The following WDR43 variants were observed in gnomAD, a reference collection of about 807,000 sequenced individuals.
WDR43 encodes WD repeat domain 43, also known as WD repeat-containing protein 43.
Under a neutral mutation model 91.4 loss-of-function variants are expected in WDR43, and 13 were observed. The ratio of observed to expected loss-of-function variants is 0.14; its 90% CI spans 0.09 to 0.23. The LOEUF is 0.23. Among genes scored for constraint, WDR43 ranks in the 10% least tolerant of loss-of-function variants. The pLI is 1.00. For missense variants in WDR43, 780 were observed against 809.4 expected (o/e 0.96, Z 0.44); for synonymous variants, 331 against 287.9 (o/e 1.15, Z -1.51).
At chr2:28,922,183 A>C (rs1180494564) in intron 6 of WDR43, among the ~76,000 whole-genome samples, 1 of 152,166 alleles carries the variant, frequency 6.6e-6, no homozygotes, top group Non-Finnish European at 1.5e-5. Flanking sequence ...TTTTTAATTG[A>C]TATATTACAG....
rs561887734 is a variant in WDR43 at position 28,899,695 on chromosome 2, G to A, written c.226-2292G>A. On this transcript the variant is annotated intron_variant, in intron 1 of 17. Transcript: ENST00000407426. Reference sequence around the variant, plus strand: ...TATAATCAGTAGCACTAAACTCTTGGTTTGAAAAATATTTAGTATGGGTAA... The same window carrying A: ...TATAATCAGTAGCACTAAACTCTTGATTTGAAAAATATTTAGTATGGGTAA... Among the ~76,000 whole-genome samples the A allele has an allele frequency of 5.3e-5, 8 of 152,252 alleles. No homozygotes were observed. The South Asian group carries it at 1.7e-3, about 32-fold the overall frequency.
intron 2 of WDR43, chr2:28,905,101 G>A (rs1670653148): frequency 6.6e-6 from 1 of 152,170 alleles, no homozygotes; most frequent in African/African-American, 2.4e-5. Flanking sequence ...GGTGGGGAGA[G>A]GAAGTTGGGG....
chr2:28,935,694 G>GT, intron 12 of WDR43, 87 bp downstream of exon 12: 2 of 754,310 alleles, frequency 2.7e-6, no homozygotes, highest in South Asian at 2.4e-5. Flanking sequence ...TTTGTAATAC[G>GT]TAAGGACACA....
chr2:28,917,419 A>AT (rs1472073033), intron 5 of WDR43, among the ~76,000 whole-genome samples: 1 of 152,230 alleles, frequency 6.6e-6, no homozygotes, highest in African/African-American at 2.4e-5. Flanking sequence ...TGACCTACAG[A>AT]TTCAACGCAG....
intron 7 of WDR43, 144 bp downstream of exon 7, chr2:28,923,127 A>G (rs1243471020): frequency 4.5e-6 from 3 of 673,206 alleles, no homozygotes; most frequent in African/African-American, 1.8e-5. Context: ...ACATGACTAT[A>G]TACATTGCCA....
intron 6 of WDR43, among the ~76,000 whole-genome samples, chr2:28,918,737 G>A (rs1459350187): frequency 6.6e-6 from 1 of 152,128 alleles, no homozygotes; most frequent in Admixed American, 6.5e-5. Context: ...AATTTTTCAT[G>A]TAAAAATTAG....
chr2:28,925,796 T>TA (rs888042083), intron 8 of WDR43, among the ~76,000 whole-genome samples: 2 of 152,106 alleles, frequency 1.3e-5, no homozygotes, highest in Non-Finnish European at 2.9e-5. Context: ...ATGGTTTAAT[T>TA]AAAAAAATAA....
rs375646887 is a variant in WDR43 at position 28,935,503 on chromosome 2, C to T, written c.1438-18C>T. Reference sequence around the variant, plus strand: ...TTGTCAGTATGCTCATCTTAATAATCCTTTTATTTTCTCACAGAAAGTACT... The same window carrying T: ...TTGTCAGTATGCTCATCTTAATAATTCTTTTATTTTCTCACAGAAAGTACT... On this transcript the variant is annotated intron_variant, in intron 11 of 17. Transcript: ENST00000407426. 2 of 1,534,144 alleles carry T rather than the reference C, an allele frequency of 1.3e-6. No individual in the cohort carries two copies.
rs1458040564 is a variant in WDR43 at position 28,908,931 on chromosome 2, A to T, written c.485+2350A>T. ...TGAGCCTTAGACTTTCCTATGTTTA[A>T]TATTTTTTTTTGTACAAAATTTTGC... On this transcript the variant is annotated intron_variant, in intron 3 of 17. Transcript: ENST00000407426. Among the ~76,000 whole-genome samples, 4 of 152,112 alleles carry T rather than the reference A, an allele frequency of 2.6e-5. No individual in the cohort carries two copies. In the South Asian group the frequency reaches 6.2e-4, roughly 24 times the overall value.
chr2:28,942,531 G>A (rs1202777344), intron 16 of WDR43, 150 bp downstream of exon 16: 1 of 747,856 alleles, frequency 1.3e-6, no homozygotes, highest in South Asian at 1.9e-5. Flanking sequence ...GCAAAAATCT[G>A]TAATTCATCA....
At chr2:28,919,987 G>A (rs1670989909) in intron 6 of WDR43, among the ~76,000 whole-genome samples, 2 of 151,768 alleles carry the variant, frequency 1.3e-5, no homozygotes, top group South Asian at 4.1e-4. Context: ...ATTATAGACT[G>A]CGCTACCATG....
chr2:28,897,677 C>T lies in WDR43; in HGVS notation c.225+2754C>T, dbSNP rs140124602. Among the ~76,000 whole-genome samples the T allele has an allele frequency of 1.1e-4, 17 of 152,286 alleles. No individual in the cohort carries two copies. The East Asian group carries it at 2.5e-3, about 22-fold the overall frequency. Reference sequence around the variant, plus strand: ...TGGTTTAGTAATTGGCAGTTTGCTACGCAAGGACAAAGTGTGGTGATGATA... The same window carrying T: ...TGGTTTAGTAATTGGCAGTTTGCTATGCAAGGACAAAGTGTGGTGATGATA... On this transcript the variant is annotated intron_variant, in intron 1 of 17. Coordinates refer to ENST00000407426, the MANE Select transcript of WDR43 (RefSeq NM_015131.3).
chr2:28,927,437 A>T, intron 9 of WDR43, 132 bp from the exon 10 acceptor site: 1 of 1,081,510 alleles, frequency 9.2e-7, no homozygotes, highest in Non-Finnish European at 1.3e-6. Flanking sequence ...AATATATCTT[A>T]AATTGATATC....
intron 13 of WDR43, among the ~76,000 whole-genome samples, chr2:28,937,495 AC>A (rs1443493126): frequency 6.6e-6 from 1 of 152,080 alleles, no homozygotes; most frequent in Non-Finnish European, 1.5e-5. Flanking sequence ...ATTAATTATG[AC>A]TTTTTTGCAC....
At position 28,935,242 on chromosome 2, in the gene WDR43, G is replaced by T. The variant is rs1232426080; in HGVS notation, c.1438-279G>T. On this transcript the variant is annotated intron_variant, in intron 11 of 17. Transcript: ENST00000407426. ...AAGTGGCATATGTCTGTATTCAAAC[G>T]TCTAGAGATGTTTTAATAAAACACA... Among the ~76,000 whole-genome samples, 3 of 152,058 alleles carry T rather than the reference G, an allele frequency of 2.0e-5. No individual in the cohort carries two copies. Among genetic ancestry groups the T allele is most frequent in the Non-Finnish European group, 4.4e-5 (3 of 68,012 alleles).
At chr2:28,929,494 T>C (rs1381009665) in intron 10 of WDR43, 85 bp from the exon 11 acceptor site, 1 of 1,192,138 alleles carries the variant, frequency 8.4e-7, no homozygotes, top group African/African-American at 1.6e-5. Context: ...AAATCTATTT[T>C]ATTTTATTTT....
chr2:28,935,921 T>A (rs1405466473), intron 12 of WDR43, among the ~76,000 whole-genome samples: 1 of 152,220 alleles, frequency 6.6e-6, no homozygotes, highest in Admixed American at 6.5e-5. Flanking sequence ...ATGGGAATAA[T>A]TGTTGTAAAC....
intron 3 of WDR43, among the ~76,000 whole-genome samples, chr2:28,911,487 G>A (rs890961006): frequency 2.6e-5 from 4 of 151,650 alleles, no homozygotes; most frequent in African/African-American, 7.3e-5. Flanking sequence ...GTAGAGACAG[G>A]GTTTCACCAT....
In WDR43 at chr2:28,895,049, C is replaced by T. The variant is rs904781045; in HGVS notation, c.225+126C>T. On this transcript the variant is annotated intron_variant, in intron 1 of 17. Coordinates refer to ENST00000407426, the MANE Select transcript of WDR43 (RefSeq NM_015131.3). ...CGGCCCGGGCCAGAAGGCTTGGAGG[C>T]GGCGTCGGCGCGTTCAGGGCCCAAG... The T allele has an allele frequency of 8.1e-6, 8 of 992,282 alleles. No individual in the cohort carries two copies. In the African/African-American group the frequency reaches 8.5e-5, roughly 11 times the overall value. The allele number at this position is 992,282 out of a possible 1,614,324, so 61.5% of individuals were successfully genotyped here.
Sources: gnomAD v4.1 joint callset for allele counts (sites outside exome capture counted in the v4.1 genomes callset) on GRCh38, gnomAD v4.1.1 for gene constraint, MANE v1.5 for transcripts, NCBI Gene and HGNC (gene_info 2026-07-23, HGNC 2026-07-21) for gene names.